Variants in ZNF407 observed in about 807,000 individuals in gnomAD.
ZNF407 encodes zinc finger protein 407.
A neutral mutation model predicts 131.2 loss-of-function variants in ZNF407; 17 were observed. The observed-to-expected ratio is 0.13, with a 90% CI of 0.09 to 0.19. The LOEUF (loss-of-function observed/expected upper bound fraction) is 0.19. Ranked by LOEUF, ZNF407 falls within the 10% of genes least tolerant of loss-of-function variation. The pLI is 1.00. For synonymous variants in ZNF407, 1,156 were observed against 1,062.0 expected (o/e 1.09, Z -1.72); for missense variants, 2,681 against 2,830.6 (o/e 0.95, Z 1.20).
At chr18:74,845,430 T>C (rs1031690677) in intron 4 of ZNF407, among the ~76,000 whole-genome samples, 1 of 152,244 alleles carries the variant, frequency 6.6e-6, no homozygotes, top group Non-Finnish European at 1.5e-5. Flanking sequence ...CATAAAAGAA[T>C]TATTTAACCT....
At position 75,063,018 on chromosome 18, in the gene ZNF407, G is replaced by T; in HGVS notation, c.5429-132G>T. 1 of 820,496 alleles carries T rather than the reference G, an allele frequency of 1.2e-6. No homozygotes were observed. The highest frequency in any genetic ancestry group is 2.6e-5 in the East Asian group (1 of 38,224). 50.8% of individuals were successfully genotyped at this position (820,496 alleles called of 1,614,324 possible). ...GCCCTGCTGAAGCTTGCACTGTAGAGAGCTCTTCAGGGTTTGGAATAGGGG... is the reference window on the plus strand; with the variant it reads ...GCCCTGCTGAAGCTTGCACTGTAGATAGCTCTTCAGGGTTTGGAATAGGGG... On this transcript the variant is annotated intron_variant, in intron 8 of 8. Coordinates refer to ENST00000299687, the MANE Select transcript of ZNF407 (RefSeq NM_017757.3). The surrounding 1 kb of genome is among the most constrained non-coding windows in gnomAD (Gnocchi z 6.6).
chr18:74,635,664 A>G lies in ZNF407; in HGVS notation c.4645A>G (p.Ser1549Gly). 6.2e-7 allele frequency: 1 copy of G among 1,607,606 alleles called. No homozygotes were observed. The highest frequency in any genetic ancestry group is 1.1e-5 in the South Asian group (1 of 90,244). ...GTATTGTGGGAAGATGTGTCGAAGCAGCAACTCGATGGCCTTCCTGGCACA... is the reference window on the plus strand; with the variant it reads ...GTATTGTGGGAAGATGTGTCGAAGCGGCAACTCGATGGCCTTCCTGGCACA... ...CKYCGKMCRS[S>G]NSMAFLAHIR... Residue 1549 changes from serine to glycine, a missense_variant, in exon 2 of 9, where the codon AGC becomes GGC. By Grantham distance (56) the Ser-to-Gly change is moderately conservative. Coordinates refer to ENST00000299687, the MANE Select transcript of ZNF407 (RefSeq NM_017757.3). This position sits in a 1 kb window ranked among gnomAD's most constrained non-coding sequence, Gnocchi z 4.7.
chr18:75,012,924 T>C (rs1199927291), intron 8 of ZNF407, among the ~76,000 whole-genome samples: 2 of 147,482 alleles, frequency 1.4e-5, no homozygotes, highest in East Asian at 4.0e-4. Context: ...AACTCAGTAT[T>C]ACTAATGATA....
chr18:74,828,573 C>T (rs1019166343), intron 4 of ZNF407, among the ~76,000 whole-genome samples: 5 of 152,184 alleles, frequency 3.3e-5, no homozygotes, highest in African/African-American at 1.2e-4. Flanking sequence ...TGAATGTCTA[C>T]CAGAAGCATT....
intron 4 of ZNF407, among the ~76,000 whole-genome samples, chr18:74,844,830 C>T (rs1245347384): frequency 1.3e-5 from 2 of 152,042 alleles, no homozygotes; most frequent in East Asian, 3.9e-4. Context: ...GAAAGGCCAC[C>T]AATAAAGGAC....
chr18:74,936,900 G>A (rs1051114923), intron 8 of ZNF407, among the ~76,000 whole-genome samples: 1 of 152,132 alleles, frequency 6.6e-6, no homozygotes, highest in Non-Finnish European at 1.5e-5. Context: ...TGGTGAGAGA[G>A]GTTTTAGAAA....
intron 3 of ZNF407, among the ~76,000 whole-genome samples, chr18:74,714,024 C>T (rs1353242549): frequency 6.6e-6 from 1 of 152,154 alleles, no homozygotes; most frequent in Non-Finnish European, 1.5e-5. Context: ...TATTAAGCTG[C>T]TTATCATTTC....
chr18:74,727,006 G>A (rs1968173894), intron 3 of ZNF407, among the ~76,000 whole-genome samples: 1 of 152,134 alleles, frequency 6.6e-6, no homozygotes, highest in Non-Finnish European at 1.5e-5. Flanking sequence ...TAGGAAACCA[G>A]AATCATTTAA....
chr18:75,054,573 G>A (rs1272663297), intron 8 of ZNF407, among the ~76,000 whole-genome samples: 1 of 152,122 alleles, frequency 6.6e-6, no homozygotes, highest in African/African-American at 2.4e-5. Context: ...GGACCGGCTG[G>A]GCTTATTTGC....
intron 8 of ZNF407, among the ~76,000 whole-genome samples, chr18:75,007,794 A>G (rs1972929007): frequency 6.6e-6 from 1 of 152,182 alleles, no homozygotes; most frequent in African/African-American, 2.4e-5. Context: ...ATATGTTCAC[A>G]GGTAATGACA....
At chr18:74,855,216 A>G (rs1243713790) in intron 4 of ZNF407, among the ~76,000 whole-genome samples, 2 of 152,180 alleles carry the variant, frequency 1.3e-5, no homozygotes, top group Non-Finnish European at 2.9e-5. Flanking sequence ...TGTTTGTTCT[A>G]TTTTGTAGGC....
intron 3 of ZNF407, among the ~76,000 whole-genome samples, chr18:74,690,227 C>T (rs912274325): frequency 2.0e-5 from 3 of 151,986 alleles, no homozygotes; most frequent in Non-Finnish European, 4.4e-5. Flanking sequence ...TTTAGAATTC[C>T]CTAGACTCTT....
intron 4 of ZNF407, among the ~76,000 whole-genome samples, chr18:74,820,970 T>C (rs1451343828): frequency 6.6e-6 from 1 of 152,060 alleles, no homozygotes; most frequent in Non-Finnish European, 1.5e-5. Flanking sequence ...GCACCAGTCG[T>C]AGGCAGAAGG....
chr18:74,896,715 C>T (rs908452876), intron 7 of ZNF407, among the ~76,000 whole-genome samples: 5 of 152,120 alleles, frequency 3.3e-5, no homozygotes, highest in African/African-American at 1.2e-4. Flanking sequence ...CTCCCTTTCA[C>T]GTGGAGTAGA....
chr18:75,005,223 A>G (rs557374965), intron 8 of ZNF407, among the ~76,000 whole-genome samples: 1 of 152,304 alleles, frequency 6.6e-6, no homozygotes, highest in African/African-American at 2.4e-5. Flanking sequence ...GAGAGGATTT[A>G]CGGGCAGTAC....
chr18:74,698,623 T>G (rs144775965), intron 3 of ZNF407, among the ~76,000 whole-genome samples: 189 of 152,300 alleles, frequency 1.2e-3, no homozygotes, highest in African/African-American at 4.4e-3. Context: ...GGTGTTGAGC[T>G]CTTTGCTCCA....
At chr18:74,928,188 G>A (rs1233107736) in intron 8 of ZNF407, among the ~76,000 whole-genome samples, 13 of 152,274 alleles carry the variant, frequency 8.5e-5, no homozygotes, top group African/African-American at 3.1e-4. Context: ...GTATACATTT[G>A]TTCAGCCCAA....
At chr18:74,934,256 A>G (rs1972014025) in intron 8 of ZNF407, among the ~76,000 whole-genome samples, 2 of 152,258 alleles carry the variant, frequency 1.3e-5, no homozygotes, top group Non-Finnish European at 2.9e-5. Context: ...TTTCAAGGGT[A>G]GTATAGATGA....
At chr18:74,895,064 C>T (rs1219221312) in intron 7 of ZNF407, among the ~76,000 whole-genome samples, 2 of 152,068 alleles carry the variant, frequency 1.3e-5, no homozygotes, top group East Asian at 3.8e-4. Context: ...ATAGAATCTG[C>T]AGTCCCTGCC....
Sources: allele counts gnomAD v4.1 joint callset (sites outside exome capture counted in the v4.1 genomes callset), GRCh38; gene constraint gnomAD v4.1.1; non-coding constraint Gnocchi (gnomAD v3.1); transcripts MANE v1.5; gene names NCBI Gene and HGNC (gene_info 2026-07-23, HGNC 2026-07-21).